Variants in KLHL24 observed in about 807,000 individuals in gnomAD.
KLHL24 encodes the protein kelch like family member 24, also known as kelch-like protein 24.
Under a neutral mutation model 53.4 loss-of-function variants are expected in KLHL24, and 29 were observed. The observed-to-expected ratio is 0.54, with a 90% CI of 0.40 to 0.74. KLHL24 has a LOEUF of 0.74. Ranked by LOEUF, KLHL24 falls within the 30% of genes least tolerant of loss-of-function variation. KLHL24 has a pLI of 0.00. For synonymous variants in KLHL24, 222 were observed against 253.7 expected (o/e 0.88, Z 1.19); for missense variants, 504 against 744.0 (o/e 0.68, Z 3.75).
At chr3:183,670,316 C>T (rs1444098263) in intron 5 of KLHL24, among the ~76,000 whole-genome samples, 18 of 152,154 alleles carry the variant, frequency 1.2e-4, no homozygotes, top group Admixed American at 1.1e-3. Flanking sequence ...TGCTGGAGAG[C>T]TTTGTTAGGT....
intron 1 of KLHL24, among the ~76,000 whole-genome samples, chr3:183,641,293 G>A (rs2108762968): frequency 6.6e-6 from 1 of 152,042 alleles, no homozygotes; most frequent in South Asian, 2.1e-4. Context: ...AAGAGATCGA[G>A]GCCATCCTGG....
In KLHL24 at chr3:183,683,212, G is replaced by C. The variant is rs138617086; in HGVS notation, c.*3926G>C. The C allele has an allele frequency of 6.5e-6, 1 of 152,858 alleles. No individual in the cohort carries two copies. The highest frequency in any genetic ancestry group is 2.4e-5 in the African/African-American group (1 of 41,444). 9.5% of individuals were successfully genotyped at this position (152,858 alleles called of 1,614,324 possible). A position where few individuals can be genotyped will look rare whatever the true frequency, so the allele number is the denominator to read the frequency against. ...CTCCCAAAGTGCTGGGATTACAGGC[G>C]TGAGCCACCACCCCCGGCCTGTATT... On this transcript the variant is annotated 3_prime_UTR_variant, in exon 8 of 8. Coordinates refer to ENST00000242810, the MANE Select transcript of KLHL24 (RefSeq NM_017644.3).
chr3:183,684,065 A>G lies in KLHL24; in HGVS notation c.*4779A>G, dbSNP rs780393343. On this transcript the variant is annotated 3_prime_UTR_variant, in exon 8 of 8. Coordinates refer to ENST00000242810, the MANE Select transcript of KLHL24 (RefSeq NM_017644.3). The stretch of plus-strand genomic sequence containing the variant: ...GTGTAAATTCATTTGCAGTATCTAC[A>G]TCGAATGTCAAAAAAGTATACTTAT... 1 of 152,584 alleles carries G rather than the reference A, an allele frequency of 6.6e-6. No individual in the cohort carries two copies. Among genetic ancestry groups the G allele is most frequent in the Non-Finnish European group, 1.5e-5 (1 of 68,018 alleles). The allele number at this position is 152,584 out of a possible 1,614,324, so 9.5% of individuals were successfully genotyped here.
rs1457241552 is a variant in KLHL24 at position 183,671,138 on chromosome 3, C to T, written c.1329C>T (p.Ala443=). 25 of 1,613,708 alleles carry T rather than the reference C, an allele frequency of 1.5e-5. No homozygotes were observed. The highest frequency in any genetic ancestry group is 5.3e-5 in the African/African-American group (4 of 74,828). The change falls in exon 6 of 8, where the codon GCC becomes GCT. Residue 443 remains alanine, a synonymous_variant. Coordinates refer to ENST00000242810, the MANE Select transcript of KLHL24 (RefSeq NM_017644.3). The part of the protein sequence containing the change: ...RWTEVAPLKE[A]VSSPAVTSCV... Reference sequence around the variant, plus strand: ...CTGAAGTTGCTCCCCTTAAGGAAGCCGTGAGTTCTCCTGCAGTGACTAGCT... The same window carrying T: ...CTGAAGTTGCTCCCCTTAAGGAAGCTGTGAGTTCTCCTGCAGTGACTAGCT...
rs1309267692 is a variant in KLHL24 at position 183,680,297 on chromosome 3, A to C, written c.*1011A>C. On this transcript the variant is annotated 3_prime_UTR_variant, in exon 8 of 8. Coordinates refer to ENST00000242810, the MANE Select transcript of KLHL24 (RefSeq NM_017644.3). ...ACAGGTTGCGACACTGTCTCAAGAGAAAAGAAAAAGAAAAATAGGGATAGG... is the reference window on the plus strand; with the variant it reads ...ACAGGTTGCGACACTGTCTCAAGAGCAAAGAAAAAGAAAAATAGGGATAGG... 1.3e-5 allele frequency: 2 copies of C among 152,174 alleles called. No homozygotes were observed. Among genetic ancestry groups the C allele is most frequent in the Admixed American group, 6.5e-5 (1 of 15,274 alleles). The allele number at this position is 152,174 out of a possible 1,614,324, so 9.4% of individuals were successfully genotyped here. A position where few individuals can be genotyped will look rare whatever the true frequency, so the allele number is the denominator to read the frequency against.
chr3:183,681,305 T>G lies in KLHL24; in HGVS notation c.*2019T>G, dbSNP rs1364138797. ...AAAAGTATTTTGTAAATGCTGAGGA[T>G]TCTACAAATGATAGTTGTTATTTTC... On this transcript the variant is annotated 3_prime_UTR_variant, in exon 8 of 8. Transcript: ENST00000242810. 6.6e-6 allele frequency: 1 copy of G among 152,320 alleles called. No individual in the cohort carries two copies. Among genetic ancestry groups the G allele is most frequent in the African/African-American group, 2.4e-5 (1 of 41,444 alleles). The allele number at this position is 152,320 out of a possible 1,614,324, so 9.4% of individuals were successfully genotyped here.
At chr3:183,664,881 C>A in intron 4 of KLHL24, 40 bp from the exon 5 acceptor site, 2 of 1,196,506 alleles carry the variant, frequency 1.7e-6, no homozygotes, top group Non-Finnish European at 2.5e-6. Context: ...ACAGCTATAT[C>A]ATGATAAATT....
At chr3:183,657,302 A>G (rs948017926) in intron 3 of KLHL24, among the ~76,000 whole-genome samples, 1 of 152,226 alleles carries the variant, frequency 6.6e-6, no homozygotes, top group African/African-American at 2.4e-5. Context: ...CTATGAAAAA[A>G]ATTGATGCCC....
chr3:183,646,054 TG>T (rs1372135587), intron 2 of KLHL24, among the ~76,000 whole-genome samples: 1,753 of 125,112 alleles, frequency 0.014, 16 homozygotes, highest in Non-Finnish European at 0.018. Context: ...TTTTTTGTTT[TG>T]TTTTTTTTTT....
At chr3:183,641,318 C>A (rs1256641729) in intron 1 of KLHL24, among the ~76,000 whole-genome samples, 1 of 151,860 alleles carries the variant, frequency 6.6e-6, no homozygotes. Context: ...CATGGTGAAA[C>A]CCCGTCTCTA....
Position 183,650,360 on chromosome 3 carries a change from G to A in KLHL24, c.4G>A (p.Val2Ile), listed in dbSNP as rs1717957077. 1.2e-6 allele frequency: 2 copies of A among 1,610,528 alleles called. No individual in the cohort carries two copies. The highest frequency in any genetic ancestry group is 1.7e-6 in the Non-Finnish European group (2 of 1,177,258). ...TATATAGTCAACTGATGTAACAATG[G>A]TACTAATATTGGGACGCAGACTAAA... M[V>I]LILGRRLNRE... The change falls in exon 3 of 8, where the codon GTA becomes ATA. Residue 2 changes from valine to isoleucine, a missense_variant. Transcript: ENST00000242810. This position sits in a 1 kb window ranked among gnomAD's most constrained non-coding sequence, Gnocchi z 4.5.
At chr3:183,676,307 G>A (rs1711848399) in intron 7 of KLHL24, among the ~76,000 whole-genome samples, 2 of 152,098 alleles carry the variant, frequency 1.3e-5, no homozygotes, top group African/African-American at 2.4e-5. Context: ...TGTTGGTCAG[G>A]CTGGTCTTGA....
chr3:183,640,109 CAA>C (rs34549175), intron 1 of KLHL24, among the ~76,000 whole-genome samples: 15,541 of 152,126 alleles, frequency 0.1, 844 homozygotes, highest in Middle Eastern at 0.19. Flanking sequence ...TCAAATAAAA[CAA>C]TGCATTAAAT....
chr3:183,673,794 T>A (rs886194293), intron 7 of KLHL24, among the ~76,000 whole-genome samples: 1 of 152,178 alleles, frequency 6.6e-6, no homozygotes, highest in Admixed American at 6.5e-5. Context: ...TCCTTAAATA[T>A]GTTCCTTGAG....
intron 3 of KLHL24, among the ~76,000 whole-genome samples, chr3:183,651,682 C>T (rs965736626): frequency 6.6e-6 from 1 of 152,200 alleles, no homozygotes; most frequent in African/African-American, 2.4e-5. Flanking sequence ...CTCCTGGGCA[C>T]AGGGGCTCAC....
At chr3:183,674,740 C>T (rs1711549892) in intron 7 of KLHL24, among the ~76,000 whole-genome samples, 1 of 152,212 alleles carries the variant, frequency 6.6e-6, no homozygotes. Context: ...TTTACCACTT[C>T]ATTCTAGACC....
chr3:183,670,947 AGAG>A, intron 5 of KLHL24, 84 bp from the exon 6 acceptor site: 2 of 870,202 alleles, frequency 2.3e-6, no homozygotes, highest in South Asian at 3.5e-5. Context: ...GGCATTTTAA[AGAG>A]AAGAGATCCC....
At position 183,650,165 on chromosome 3, in the gene KLHL24, G is replaced by A; in HGVS notation, c.-61-131G>A. 2 of 513,980 alleles carry A rather than the reference G, an allele frequency of 3.9e-6. No individual in the cohort carries two copies. Among genetic ancestry groups the A allele is most frequent in the Non-Finnish European group, 6.7e-6 (2 of 296,358 alleles). 31.8% of individuals were successfully genotyped at this position (513,980 alleles called of 1,614,324 possible). ...TTTGTTGATTAGTTTTTATTAACAT[G>A]AGATAGTGCTGTGTACCCTATATGA... On this transcript the variant is annotated intron_variant, in intron 2 of 7. Coordinates refer to ENST00000242810, the MANE Select transcript of KLHL24 (RefSeq NM_017644.3). The surrounding 1 kb of genome is among the most constrained non-coding windows in gnomAD (Gnocchi z 4.5).
intron 3 of KLHL24, among the ~76,000 whole-genome samples, chr3:183,656,408 A>G (rs1316848737): frequency 3.9e-5 from 6 of 151,998 alleles, no homozygotes; most frequent in African/African-American, 1.5e-4. Context: ...TAATTTTGAA[A>G]CTTGTTTCTA....
Sources: gnomAD v4.1 joint callset for allele counts (sites outside exome capture counted in the v4.1 genomes callset) on GRCh38, gnomAD v4.1.1 for gene constraint, Gnocchi (gnomAD v3.1) non-coding constraint, MANE v1.5 for transcripts, NCBI Gene and HGNC (gene_info 2026-07-23, HGNC 2026-07-21) for gene names.